Variants in RELN observed in about 807,000 individuals in gnomAD.
RELN encodes the protein reelin.
A neutral mutation model predicts 427.6 loss-of-function variants in RELN; 108 were observed. That is an observed-to-expected ratio of 0.25 (90% CI 0.22 to 0.30). The LOEUF is 0.30. Ranked by LOEUF, RELN falls within the 10% of genes least tolerant of loss-of-function variation. RELN has a pLI of 1.00. For missense variants in RELN, 3,715 were observed against 4,302.8 expected (o/e 0.86, Z 3.82); for synonymous variants, 1,524 against 1,513.4 (o/e 1.01, Z -0.16).
At position 103,531,569 on chromosome 7, in the gene RELN, A is replaced by C. The variant is rs549168342; in HGVS notation, c.7349+3747T>G. 2.6e-5 allele frequency among the ~76,000 whole-genome samples: 4 copies of C among 152,170 alleles called. No homozygotes were observed. In the South Asian group the frequency reaches 8.3e-4, roughly 32 times the overall value. ...AGTCATCTTCAGCCCTGCTCTTCTC[A>C]AGCTCCCACGTCAATTTCATGACCC... On this transcript the variant is annotated intron_variant, in intron 46 of 64. Transcript: ENST00000428762.
At chr7:103,954,070 C>T (rs1481881062) in intron 1 of RELN, among the ~76,000 whole-genome samples, 1 of 151,738 alleles carries the variant, frequency 6.6e-6, no homozygotes, top group Admixed American at 6.6e-5. Context: ...GCCAACAGAG[C>T]AAAACCCTGT....
intron 2 of RELN, among the ~76,000 whole-genome samples, chr7:103,875,604 T>C (rs1007212772): frequency 2.0e-5 from 3 of 152,106 alleles, no homozygotes; most frequent in African/African-American, 7.2e-5. Context: ...CTAAGCAAAC[T>C]TAAAATGCTG....
At chr7:103,807,970 T>A (rs918492229) in intron 3 of RELN, among the ~76,000 whole-genome samples, 1 of 152,126 alleles carries the variant, frequency 6.6e-6, no homozygotes, top group East Asian at 1.9e-4. Context: ...GAGGATGGGA[T>A]ACTCTTCTGA....
At chr7:103,530,651 G>A (rs1339765588) in intron 46 of RELN, among the ~76,000 whole-genome samples, 2 of 151,996 alleles carry the variant, frequency 1.3e-5, no homozygotes, top group Admixed American at 6.6e-5. Flanking sequence ...TGCTTGAATC[G>A]GCAACTCATG....
chr7:103,960,356 A>G (rs1584402349), intron 1 of RELN, among the ~76,000 whole-genome samples: 1 of 149,806 alleles, frequency 6.7e-6, no homozygotes, highest in African/African-American at 2.5e-5. Flanking sequence ...CTGCAAGCTC[A>G]CTCTCTCCTC....
intron 2 of RELN, among the ~76,000 whole-genome samples, chr7:103,909,673 TAAATATATTTAA>T (rs1795298583): frequency 1.3e-5 from 1 of 78,582 alleles, no homozygotes; most frequent in African/African-American, 6.3e-5. Flanking sequence ...AAATATATAT[TAAATATATTTAA>T]TAAATATATA....
intron 8 of RELN, among the ~76,000 whole-genome samples, chr7:103,704,595 T>C (rs1834161014): frequency 6.6e-6 from 1 of 152,092 alleles, no homozygotes; most frequent in Non-Finnish European, 1.5e-5. Flanking sequence ...CTCTTCCTCC[T>C]GTATCATCAA....
At chr7:103,523,577 A>C (rs1829757913) in intron 46 of RELN, 46 bp from the exon 47 acceptor site, 1 of 1,606,908 alleles carries the variant, frequency 6.2e-7, no homozygotes, top group Non-Finnish European at 8.5e-7. Flanking sequence ...GTGGAAAAGA[A>C]AATGTGTTCC....
chr7:103,543,252 C>T (rs1416283966), intron 42 of RELN, among the ~76,000 whole-genome samples: 1 of 152,088 alleles, frequency 6.6e-6, no homozygotes, highest in Non-Finnish European at 1.5e-5. Flanking sequence ...TCTACTGTGT[C>T]CTCTCTAATG....
chr7:103,879,952 A>G (rs1010312646), intron 2 of RELN, among the ~76,000 whole-genome samples: 1 of 152,018 alleles, frequency 6.6e-6, no homozygotes, highest in Non-Finnish European at 1.5e-5. Flanking sequence ...TCTCACCTAC[A>G]TATCATTGCA....
At chr7:103,886,738 T>C (rs1178612139) in intron 2 of RELN, among the ~76,000 whole-genome samples, 1 of 152,210 alleles carries the variant, frequency 6.6e-6, no homozygotes, top group African/African-American at 2.4e-5. Flanking sequence ...TGAAATGTCA[T>C]ATTTTCCAGC....
intron 20 of RELN, among the ~76,000 whole-genome samples, chr7:103,621,566 C>T (rs1334821985): frequency 1.3e-5 from 2 of 152,036 alleles, no homozygotes; most frequent in Non-Finnish European, 2.9e-5. Flanking sequence ...AAGAGCTTGG[C>T]TTGTTGGTGT....
intron 63 of RELN, among the ~76,000 whole-genome samples, chr7:103,480,964 G>A (rs1288368780): frequency 6.6e-6 from 1 of 152,178 alleles, no homozygotes; most frequent in African/African-American, 2.4e-5. Flanking sequence ...GCTTGATGCT[G>A]GTAGTTGCTT....
At chr7:103,695,587 A>G (rs1401392974) in intron 10 of RELN, among the ~76,000 whole-genome samples, 1 of 152,132 alleles carries the variant, frequency 6.6e-6, no homozygotes, top group African/African-American at 2.4e-5. Flanking sequence ...ATGCAATGAG[A>G]AACCAAATAG....
intron 20 of RELN, among the ~76,000 whole-genome samples, chr7:103,622,795 GTCTGGAATATTA>G (rs138666347): frequency 0.04 from 6,119 of 152,138 alleles, 168 homozygotes; most frequent in East Asian, 0.14. Flanking sequence ...ACTTATCACG[GTCTGGAATATTA>G]TCTGGAATAT....
chr7:103,785,942 A>T (rs201441400), intron 3 of RELN, among the ~76,000 whole-genome samples: 3 of 147,272 alleles, frequency 2.0e-5, no homozygotes, highest in East Asian at 3.9e-4. Flanking sequence ...TGTAAACTCC[A>T]TTTTTTTTTT....
At chr7:103,772,550 A>G (rs1220081417) in intron 4 of RELN, among the ~76,000 whole-genome samples, 1 of 152,176 alleles carries the variant, frequency 6.6e-6, no homozygotes, top group Admixed American at 6.5e-5. Context: ...AGAGTTATGT[A>G]TGAGGGTTGT....
chr7:103,655,139 C>T (rs140810984), intron 12 of RELN, among the ~76,000 whole-genome samples: 1,983 of 152,058 alleles, frequency 0.013, 27 homozygotes, highest in Middle Eastern at 0.058. Flanking sequence ...CTACTGTTTG[C>T]TTCTATTAAC....
In RELN at chr7:103,839,075, A is replaced by T. The variant is rs113416488; in HGVS notation, c.338-5403T>A. Among the ~76,000 whole-genome samples the T allele has an allele frequency of 4.6e-3, 708 of 152,334 alleles. 6 individuals are homozygous for T. The highest frequency in any genetic ancestry group is 0.016 in the African/African-American group (682 of 41,574). ...GTCTAGCCAATAATTTGCATTAGAA[A>T]TGTGCCTTAGTAAAATGTGTAAAAT... On this transcript the variant is annotated intron_variant, in intron 2 of 64. Coordinates refer to ENST00000428762, the MANE Select transcript of RELN (RefSeq NM_005045.4).
Sources: gnomAD v4.1 joint callset for allele counts (sites outside exome capture counted in the v4.1 genomes callset) on GRCh38, gnomAD v4.1.1 for gene constraint, MANE v1.5 for transcripts, NCBI Gene and HGNC (gene_info 2026-07-23, HGNC 2026-07-21) for gene names.